The following ABTB1 variants were observed in gnomAD, a reference collection of about 807,000 sequenced individuals.
The protein encoded by ABTB1 is ankyrin repeat and BTB domain containing 1, also known as ankyrin repeat and BTB/POZ domain-containing protein 1.
Under a neutral mutation model 57.1 loss-of-function variants are expected in ABTB1, and 45 were observed. That is an observed-to-expected ratio of 0.79 (90% confidence interval 0.62 to 1.01). The LOEUF is 1.01. Among genes scored for constraint, ABTB1 ranks in the 50% least tolerant of loss-of-function variants. ABTB1 has a pLI of 0.00. For missense variants in ABTB1, 630 were observed against 666.3 expected (o/e 0.95, Z 0.60); for synonymous variants, 302 against 275.4 (o/e 1.10, Z -0.95).
rs971679444 is a variant in ABTB1 at position 127,678,492 on chromosome 3, A to C, written c.1029+649A>C. 14 of 152,250 alleles carry C rather than the reference A, an allele frequency of 9.2e-5. 1 individual carries two copies. Among genetic ancestry groups the C allele is most frequent in the Non-Finnish European group, 4.4e-5 (3 of 68,202 alleles). 9.4% of individuals were successfully genotyped at this position (152,250 alleles called of 1,614,324 possible). A position where few individuals can be genotyped will look rare whatever the true frequency, so the allele number is the denominator to read the frequency against. On this transcript the variant is annotated intron_variant, in intron 10 of 11. Coordinates refer to ENST00000232744, the MANE Select transcript of ABTB1 (RefSeq NM_172027.3). ...GTATGCCTAAGGGTGAAGGTCAAAA[A>C]CCTTTTCTCTGAAGGTGAGTGTTTC... is the stretch of plus-strand genomic sequence containing the variant.
intron 3 of ABTB1, chr3:127,675,769 T>C: frequency 3.1e-6 from 2 of 642,746 alleles, no homozygotes; most frequent in South Asian, 1.9e-5. Flanking sequence ...AGTATGTGCC[T>C]GTGTGAGTGC....
chr3:127,680,471 G>C lies in ABTB1; in HGVS notation c.1433G>C (p.Cys478Ser), dbSNP rs2107562351. The C allele has an allele frequency of 6.2e-7, 1 of 1,600,568 alleles. No individual in the cohort carries two copies. Among genetic ancestry groups the C allele is most frequent in the East Asian group, 2.2e-5 (1 of 44,656 alleles). Reference protein sequence around the residue: ...EDLLVSIGLDC With the variant: ...EDLLVSIGLDS ...CTGCTCGTGTCCATCGGTCTGGACT[G>C]TTGAGCCCCTGGCTGGGCAGCCCCA... is the stretch of plus-strand genomic sequence containing the variant. Residue 478 changes from cysteine to serine, a missense_variant, in exon 12 of 12, where the codon TGT becomes TCT. Cys to Ser is a moderately radical substitution (Grantham distance 112). This residue lies in a region of ABTB1 where 43 missense variants were observed against 56.1 expected (regional missense o/e 0.77). Coordinates refer to ENST00000232744, the MANE Select transcript of ABTB1 (RefSeq NM_172027.3).
chr3:127,676,079 C>T lies in ABTB1; in HGVS notation c.285C>T (p.Cys95=), dbSNP rs765293416. The T allele has an allele frequency of 5.0e-6, 8 of 1,613,348 alleles. No homozygotes were observed. The highest frequency in any genetic ancestry group is 3.4e-4 in the Middle Eastern group (2 of 5,900). The change falls in exon 4 of 12, where the codon TGC becomes TGT. Residue 95 remains cysteine, a synonymous_variant. Coordinates refer to ENST00000232744, the MANE Select transcript of ABTB1 (RefSeq NM_172027.3). The surrounding 1 kb of genome is among the most constrained non-coding windows in gnomAD (Gnocchi z 5.4). The part of the protein sequence containing the change: ...LRDYKQVTAS[C]RRRDYYDDFL... ...ATTACAAGCAGGTCACGGCTTCCTG[C>T]AGGAGGCGGGATTACTATGACGACT... is the stretch of plus-strand genomic sequence containing the variant.
chr3:127,680,895 C>T lies in ABTB1; in HGVS notation c.*420C>T. ...GGAAGGGCTGGGGGAGTGTGTGTGG[C>T]AATAAAGCTTGAAGGCACCGTGGGA... On this transcript the variant is annotated 3_prime_UTR_variant, in exon 12 of 12. Coordinates refer to ENST00000232744, the MANE Select transcript of ABTB1 (RefSeq NM_172027.3). 3.8e-6 allele frequency: 2 copies of T among 533,274 alleles called. No homozygotes were observed. The highest frequency in any genetic ancestry group is 2.9e-5 in the South Asian group (1 of 34,902). 33.0% of individuals were successfully genotyped at this position (533,274 alleles called of 1,614,324 possible).
In ABTB1 at chr3:127,677,664, G is replaced by C. The variant is rs767358496; in HGVS notation, c.862-12G>C. On this transcript the variant is annotated splice_polypyrimidine_tract_variant and intron_variant, in intron 9 of 11. Coordinates refer to ENST00000232744, the MANE Select transcript of ABTB1 (RefSeq NM_172027.3). ...CCTGGCCCTCACACTTCCTGAGCCC[G>C]GCCTCCCCCAGGCCTTTTTCTGTGG... 6.2e-7 allele frequency: 1 copy of C among 1,610,968 alleles called. No homozygotes were observed. Among genetic ancestry groups the C allele is most frequent in the Admixed American group, 1.7e-5 (1 of 59,554 alleles).
At position 127,680,464 on chromosome 3, in the gene ABTB1, C is replaced by T; in HGVS notation, c.1426C>T (p.Leu476=). 5.0e-6 allele frequency: 8 copies of T among 1,601,552 alleles called. No homozygotes were observed. Among genetic ancestry groups the T allele is most frequent in the Non-Finnish European group, 6.8e-6 (8 of 1,177,250 alleles). The stretch of plus-strand genomic sequence containing the variant: ...CGAGGACCTGCTCGTGTCCATCGGT[C>T]TGGACTGTTGAGCCCCTGGCTGGGC... ...ALEDLLVSIG[L]DC is the part of the protein sequence containing the mutation. The change falls in exon 12 of 12, where the codon CTG becomes TTG. Residue 476 remains leucine, a synonymous_variant. Transcript: ENST00000232744.
At chr3:127,679,639 T>C (rs2075076351) in intron 10 of ABTB1, 2 of 502,680 alleles carry the variant, frequency 4.0e-6, no homozygotes, top group Non-Finnish European at 7.8e-6. Context: ...GGAGGTGCAG[T>C]GACTTGCCCA....
Position 127,674,475 on chromosome 3 carries a change from G to C in ABTB1, c.119+22G>C, listed in dbSNP as rs779434009. The C allele has an allele frequency of 4.2e-5, 68 of 1,612,786 alleles. No individual in the cohort carries two copies. In the East Asian group the frequency reaches 9.4e-4, roughly 22 times the overall value. On this transcript the variant is annotated intron_variant, in intron 2 of 11. Transcript: ENST00000232744. ...CCTTGTGAGTGCTGGAGAGAGGGGT[G>C]GGGAGGGTGGGGGTTGGTGCACCCC...
Position 127,680,227 on chromosome 3 carries a change from G to C in ABTB1, c.1230+42G>C, listed in dbSNP as rs1459316014. On this transcript the variant is annotated intron_variant, in intron 11 of 11. Transcript: ENST00000232744. ...CAGTGGGTGGGAAGGAGGGGTGAGA[G>C]GGCAGGCACCCCTCCACTGAGCTGG... 3.1e-6 allele frequency: 5 copies of C among 1,613,102 alleles called. No homozygotes were observed. In the African/African-American group the frequency reaches 6.7e-5, roughly 22 times the overall value.
chr3:127,674,270 C>A, intron 1 of ABTB1, 121 bp from the exon 2 acceptor site: 1 of 1,343,000 alleles, frequency 7.4e-7, no homozygotes, highest in East Asian at 2.5e-5. Flanking sequence ...GTCACCTGCC[C>A]TCACCTGGGG....
intron 3 of ABTB1, among the ~76,000 whole-genome samples, chr3:127,674,808 G>A (rs769285408): frequency 7.2e-5 from 11 of 152,030 alleles, no homozygotes; most frequent in Non-Finnish European, 1.3e-4. Context: ...CTACTTCTAC[G>A]ACCTGGGCCC....
At chr3:127,675,159 C>T (rs1042987376) in intron 3 of ABTB1, among the ~76,000 whole-genome samples, 9 of 152,174 alleles carry the variant, frequency 5.9e-5, no homozygotes. Flanking sequence ...GTTCACATGG[C>T]CCACTCCCCC....
At position 127,674,155 on chromosome 3, in the gene ABTB1, CAT is replaced by C. The variant is rs1396191330; in HGVS notation, c.57-235_57-234del. The C allele has an allele frequency of 5.3e-6, 3 of 563,718 alleles. No individual in the cohort carries two copies. In the African/African-American group the frequency reaches 5.6e-5, roughly 11 times the overall value. The allele number at this position is 563,718 out of a possible 1,614,324, so 34.9% of individuals were successfully genotyped here. ...GGCTCTGGCTTCTGTCCCTGTAGCC[CAT>C]CGTCCCCCAGCACTGATAGCACACA... On this transcript the variant is annotated intron_variant, in intron 1 of 11. Transcript: ENST00000232744.
chr3:127,675,978 T>C lies in ABTB1; in HGVS notation c.184T>C (p.Cys62Arg). The C allele has an allele frequency of 6.2e-7, 1 of 1,606,816 alleles. No individual in the cohort carries two copies. The highest frequency in any genetic ancestry group is 8.5e-7 in the Non-Finnish European group (1 of 1,175,362). ...VLYLLANGAR[C>R]EANTFDGERC... ...AGCCCTGCCTCCCCCAGGAGCCCGCTGCGAGGCCAACACCTTCGATGGTGA... is the reference window on the plus strand; with the variant it reads ...AGCCCTGCCTCCCCCAGGAGCCCGCCGCGAGGCCAACACCTTCGATGGTGA... The change falls in exon 4 of 12, where the codon TGC (cysteine) becomes CGC (arginine). Residue 62 changes from cysteine (C) to arginine (R), a missense_variant. Physicochemically the swap from Cys to Arg is radical, Grantham distance 180. Around this residue, in one of 3 missense-constraint regions of ABTB1, gnomAD observed 579 missense variants for 585.9 expected, o/e 0.99. Coordinates refer to ENST00000232744, the MANE Select transcript of ABTB1 (RefSeq NM_172027.3).
In ABTB1 at chr3:127,680,305, G is replaced by C. The variant is rs749808305; in HGVS notation, c.1267G>C (p.Glu423Gln). 7 of 1,613,080 alleles carry C rather than the reference G, an allele frequency of 4.3e-6. No individual in the cohort carries two copies. Among genetic ancestry groups the C allele is most frequent in the Non-Finnish European group, 5.1e-6 (6 of 1,179,722 alleles). ...EREDFVEAVK[E>Q]EAAAVAARQE... The stretch of plus-strand genomic sequence containing the variant: ...GGAGGACTTCGTGGAGGCGGTGAAG[G>C]AGGAGGCAGCGGCTGTGGCAGCCCG... Residue 423 changes from glutamate (E) to glutamine (Q), a missense_variant, in exon 12 of 12, where the codon GAG becomes CAG. This residue lies in a region of ABTB1 where 579 missense variants were observed against 585.9 expected (regional missense o/e 0.99). Coordinates refer to ENST00000232744, the MANE Select transcript of ABTB1 (RefSeq NM_172027.3).
Position 127,680,917 on chromosome 3 carries a change from G to A in ABTB1, c.*442G>A. The A allele has an allele frequency of 1.9e-6, 1 of 514,830 alleles. No homozygotes were observed. The highest frequency in any genetic ancestry group is 3.4e-6 in the Non-Finnish European group (1 of 292,830). The allele number at this position is 514,830 out of a possible 1,614,324, so 31.9% of individuals were successfully genotyped here. ...TGGCAATAAAGCTTGAAGGCACCGT[G>A]GGAGCATGAGCCTGTGTCCTGGGGT... On this transcript the variant is annotated 3_prime_UTR_variant, in exon 12 of 12. Transcript: ENST00000232744.
chr3:127,673,323 C>T (rs181569691), intron 1 of ABTB1: 428 of 333,520 alleles, frequency 1.3e-3, no homozygotes, highest in Admixed American at 8.1e-3. Flanking sequence ...GAAGGGACTG[C>T]TCAGCGGAGG....
At chr3:127,677,119 C>T (rs1334563178) in intron 7 of ABTB1, 36 bp downstream of exon 7, 4 of 1,612,828 alleles carry the variant, frequency 2.5e-6, no homozygotes, top group South Asian at 1.1e-5. Context: ...GCCATGGGTG[C>T]GGCCTGGCAG....
chr3:127,673,213 C>G (rs1392169375), intron 1 of ABTB1, 132 bp downstream of exon 1: 1 of 1,028,470 alleles, frequency 9.7e-7, no homozygotes, highest in African/African-American at 1.7e-5. Context: ...CGGAGCGCCC[C>G]CGCGGGGCAG....
Sources: allele counts gnomAD v4.1 joint callset (sites outside exome capture counted in the v4.1 genomes callset), GRCh38; gene constraint gnomAD v4.1.1; regional missense constraint gnomAD v4.1.1; non-coding constraint Gnocchi (gnomAD v3.1); transcripts MANE v1.5; gene names NCBI Gene and HGNC (gene_info 2026-07-23, HGNC 2026-07-21).